FERMT2: variants seen among roughly 807,000 people sequenced by gnomAD.
FERMT2 encodes the protein fermitin family homolog 2.
Under a neutral mutation model 82.7 loss-of-function variants are expected in FERMT2, and 15 were observed. That is an observed-to-expected ratio of 0.18 (90% CI 0.12 to 0.28). FERMT2 has a LOEUF of 0.28. FERMT2 is among the 10% of genes least tolerant of loss of function. The pLI is 1.00. For missense variants in FERMT2, 645 were observed against 809.4 expected, an observed-to-expected ratio of 0.80 and a Z score of 2.46; for synonymous variants, 274 against 271.5, an observed-to-expected ratio of 1.01 and a Z score of -0.09.
chr14:52,881,120 T>A lies in FERMT2; in HGVS notation c.771A>T (p.Arg257Ser). ...KINQGWLDSSRSLMEQDVKEN... is the reference protein window; with the variant it reads ...KINQGWLDSSSSLMEQDVKEN... ...CCTTCACATCTTGTTCCATGAGAGA[T>A]CTTGAGGAATCAAGCCATCTGGACA... is the stretch of plus-strand genomic sequence containing the variant. Residue 257 changes from arginine (R) to serine (S), a missense_variant, in exon 6 of 15, where the codon AGA becomes AGT. Physicochemically the swap from Arg to Ser is moderately radical, Grantham distance 110 (BLOSUM62 -1). Transcript: ENST00000341590. The A allele has an allele frequency of 6.2e-7, 1 of 1,613,400 alleles. No homozygotes were observed. The highest frequency in any genetic ancestry group is 8.5e-7 in the Non-Finnish European group (1 of 1,179,600).
At chr14:52,893,576 A>T (rs1260613602) in intron 3 of FERMT2, 149 bp from the exon 4 acceptor site, 1 of 589,186 alleles carries the variant, frequency 1.7e-6, no homozygotes, top group Non-Finnish European at 2.9e-6. Context: ...AACACTGATT[A>T]TGACACTTAA....
intron 2 of FERMT2, among the ~76,000 whole-genome samples, chr14:52,940,593 G>C (rs540079999): frequency 6.6e-6 from 1 of 152,126 alleles, no homozygotes; most frequent in African/African-American, 2.4e-5. Context: ...CTACTTTAGA[G>C]TTACCACATT....
At chr14:52,859,990 TG>T (rs1295338285) in intron 13 of FERMT2, 20 of 265,474 alleles carry the variant, frequency 7.5e-5, no homozygotes, top group Admixed American at 2.0e-4. Context: ...ACTAATTTTT[TG>T]TATTTTTAGT....
rs181615603 is a variant in FERMT2, at chr14:52,950,636, C to A, written c.-9-59G>T. Reference sequence around the variant, plus strand: ...TCACTCCCCCAAAGAAAGGCGAATCCCACCGAATTCGCAGCGCCGGCCACG... The same window carrying A: ...TCACTCCCCCAAAGAAAGGCGAATCACACCGAATTCGCAGCGCCGGCCACG... On this transcript the variant is annotated intron_variant, in intron 1 of 14. Coordinates refer to ENST00000341590, the MANE Select transcript of FERMT2 (RefSeq NM_006832.3). The A allele has an allele frequency of 1.9e-6, 3 of 1,547,798 alleles. No homozygotes were observed. In the African/African-American group the frequency reaches 4.1e-5, roughly 21 times the overall value.
At chr14:52,915,329 T>C (rs1370608771) in intron 3 of FERMT2, among the ~76,000 whole-genome samples, 3 of 152,204 alleles carry the variant, frequency 2.0e-5, no homozygotes, top group Non-Finnish European at 4.4e-5. Flanking sequence ...CACGCAATTC[T>C]GAAAAACAGC....
rs572641202 is a variant in FERMT2, at chr14:52,913,318, T to C, written c.391+5805A>G. ...AACACAAAATTCTAACACTATGAGATCCCTCGGGAGTAAATGGGCCAATAT... is the reference window on the plus strand; with the variant it reads ...AACACAAAATTCTAACACTATGAGACCCCTCGGGAGTAAATGGGCCAATAT... On this transcript the variant is annotated intron_variant, in intron 3 of 14. Transcript: ENST00000341590. Among the ~76,000 whole-genome samples the C allele has an allele frequency of 2.0e-5, 3 of 152,262 alleles. No homozygotes were observed. In the South Asian group the frequency reaches 6.2e-4, roughly 32 times the overall value.
At chr14:52,859,407 T>A in intron 14 of FERMT2, 166 bp downstream of exon 14, 2 of 626,162 alleles carry the variant, frequency 3.2e-6, no homozygotes, top group South Asian at 1.0e-4. Context: ...GGGCTAATTA[T>A]GAAATAGGCA....
At chr14:52,897,410 CTT>C (rs999318295) in intron 3 of FERMT2, among the ~76,000 whole-genome samples, 7 of 152,168 alleles carry the variant, frequency 4.6e-5, no homozygotes, top group African/African-American at 1.7e-4. Context: ...TGTTTTATGT[CTT>C]TGATTAGTAG....
chr14:52,869,800 C>T (rs1885505843), intron 10 of FERMT2, among the ~76,000 whole-genome samples: 1 of 152,070 alleles, frequency 6.6e-6, no homozygotes, highest in Non-Finnish European at 1.5e-5. Context: ...GCATTGTTAC[C>T]AGAGGAAATG....
At chr14:52,937,137 G>A (rs1185406595) in intron 2 of FERMT2, among the ~76,000 whole-genome samples, 1 of 151,872 alleles carries the variant, frequency 6.6e-6, no homozygotes, top group Non-Finnish European at 1.5e-5. Context: ...ACTCTAACCT[G>A]GGCAACAAAG....
At chr14:52,883,636 C>T (rs1566728479) in intron 4 of FERMT2, among the ~76,000 whole-genome samples, 1 of 152,184 alleles carries the variant, frequency 6.6e-6, no homozygotes, top group Admixed American at 6.5e-5. Context: ...AAAAGATACT[C>T]CCCCTAAATC....
chr14:52,881,100 A>G lies in FERMT2; in HGVS notation c.791T>C (p.Val264Ala). 6.2e-7 allele frequency: 1 copy of G among 1,613,768 alleles called. No individual in the cohort carries two copies. Among genetic ancestry groups the G allele is most frequent in the Non-Finnish European group, 8.5e-7 (1 of 1,179,878 alleles). The change falls in exon 6 of 15, where the codon GTG (valine) becomes GCG (alanine). Residue 264 changes from valine (V) to alanine (A), a missense_variant. Val to Ala is a moderately conservative substitution (Grantham distance 64, BLOSUM62 0). Transcript: ENST00000341590. ...GAGCAGCAAGGCCTCATTTTCCTTCACATCTTGTTCCATGAGAGATCTTGA... is the reference window on the plus strand; with the variant it reads ...GAGCAGCAAGGCCTCATTTTCCTTCGCATCTTGTTCCATGAGAGATCTTGA... ...DSSRSLMEQD[V>A]KENEALLLRF...
At chr14:52,871,143 T>TCC (rs1275948168) in intron 10 of FERMT2, among the ~76,000 whole-genome samples, 2 of 152,122 alleles carry the variant, frequency 1.3e-5, no homozygotes, top group African/African-American at 4.8e-5. Context: ...TAGTAATACC[T>TCC]CCCTCCTTTC....
At chr14:52,879,492 A>G (rs934367142) in intron 6 of FERMT2, among the ~76,000 whole-genome samples, 1 of 152,188 alleles carries the variant, frequency 6.6e-6, no homozygotes, top group Non-Finnish European at 1.5e-5. Flanking sequence ...TACATTTTCA[A>G]ATTAGGAATG....
chr14:52,875,344 T>G lies in FERMT2; in HGVS notation c.977A>C (p.Lys326Thr). ...MFAALQYHIN[K>T]LSIMTSENHL... Reference sequence around the variant, plus strand: ...ATTCTCTGATGTCATGATTGACAGCTTATTGATATGATACTGAAACCAGAA... The same window carrying G: ...ATTCTCTGATGTCATGATTGACAGCGTATTGATATGATACTGAAACCAGAA... Residue 326 changes from lysine (K) to threonine (T), a missense_variant, in exon 8 of 15, where the codon AAG (lysine) becomes ACG (threonine). Physicochemically the swap from Lys to Thr is moderately conservative, Grantham distance 78. Transcript: ENST00000341590. The G allele has an allele frequency of 6.2e-7, 1 of 1,600,130 alleles. No homozygotes were observed. The highest frequency in any genetic ancestry group is 8.5e-7 in the Non-Finnish European group (1 of 1,170,402).
chr14:52,905,819 A>C (rs565975901), intron 3 of FERMT2, among the ~76,000 whole-genome samples: 1 of 152,312 alleles, frequency 6.6e-6, no homozygotes, highest in East Asian at 1.9e-4. Flanking sequence ...TCAGTTTAAA[A>C]TTTTGGTTAA....
chr14:52,891,084 C>G (rs1428997584), intron 4 of FERMT2, among the ~76,000 whole-genome samples: 2 of 152,204 alleles, frequency 1.3e-5, no homozygotes, highest in Non-Finnish European at 2.9e-5. Flanking sequence ...ATGCCCTAGT[C>G]TAAATTCCAT....
At chr14:52,884,837 C>T (rs571146661) in intron 4 of FERMT2, among the ~76,000 whole-genome samples, 2 of 151,370 alleles carry the variant, frequency 1.3e-5, no homozygotes, top group African/African-American at 4.9e-5. Context: ...TCTGTCTCCA[C>T]TAAAAATATA....
chr14:52,931,962 G>A (rs939378621), intron 2 of FERMT2, among the ~76,000 whole-genome samples: 16 of 152,248 alleles, frequency 1.1e-4, no homozygotes, highest in African/African-American at 3.1e-4. Flanking sequence ...CTGGGAGGCA[G>A]AGGTTGCAGT....
Sources: gnomAD v4.1 joint callset for allele counts (sites outside exome capture counted in the v4.1 genomes callset) on GRCh38, gnomAD v4.1.1 for gene constraint, MANE v1.5 for transcripts, NCBI Gene and HGNC (gene_info 2026-07-23, HGNC 2026-07-21) for gene names.